The following KIRREL3 variants were observed in gnomAD, a reference collection of about 807,000 sequenced individuals.
The protein encoded by KIRREL3 is kirre like nephrin family adhesion molecule 3, also known as kin of IRRE-like protein 3.
In KIRREL3, 36 loss-of-function variants were observed where a neutral mutation model predicts 89.7. That is an observed-to-expected ratio of 0.40 (90% CI 0.31 to 0.53). The LOEUF (loss-of-function observed/expected upper bound fraction) is 0.53, where lower values mean the gene tolerates loss of function less well. Among genes scored for constraint, KIRREL3 ranks in the 20% least tolerant of loss-of-function variants. The pLI is 0.49. For missense variants in KIRREL3, 864 were observed against 1,056.6 expected (o/e 0.82, Z 2.53); for synonymous variants, 445 against 441.4 (o/e 1.01, Z -0.10).
At chr11:126,902,522 C>G (rs1022980399) in intron 1 of KIRREL3, among the ~76,000 whole-genome samples, 16 of 152,184 alleles carry the variant, frequency 1.1e-4, no homozygotes, top group African/African-American at 3.9e-4. Context: ...AAAGAATGCT[C>G]TCATAAGTAT....
rs1046137520 is a variant in KIRREL3, at chr11:126,677,129, A to G, written c.56-114217T>C. Among the ~76,000 whole-genome samples the G allele has an allele frequency of 3.3e-5, 5 of 152,058 alleles. No homozygotes were observed. Among genetic ancestry groups the G allele is most frequent in the Non-Finnish European group, 5.9e-5 (4 of 68,006 alleles). ...AAAGAATACAATTCAGTGATTTTTAATATATTCGCAGATTTGCACAACCAC... is the reference window on the plus strand; with the variant it reads ...AAAGAATACAATTCAGTGATTTTTAGTATATTCGCAGATTTGCACAACCAC... On this transcript the variant is annotated intron_variant, in intron 1 of 16. Coordinates refer to ENST00000525144, the MANE Select transcript of KIRREL3 (RefSeq NM_032531.4). The surrounding 1 kb of genome is among the most constrained non-coding windows in gnomAD (Gnocchi z 5.1).
chr11:126,446,288 TTC>T (rs964907939), intron 9 of KIRREL3, among the ~76,000 whole-genome samples: 3 of 118,762 alleles, frequency 2.5e-5, no homozygotes, highest in South Asian at 3.2e-4. Context: ...TCTTTCTCCT[TTC>T]TTTCTTTCTT....
In KIRREL3 at chr11:126,912,888, C is replaced by T. The variant is rs763036420; in HGVS notation, c.55+87567G>A. Among the ~76,000 whole-genome samples, 18 of 152,188 alleles carry T rather than the reference C, an allele frequency of 1.2e-4. No homozygotes were observed. The highest frequency in any genetic ancestry group is 2.1e-4 in the Non-Finnish European group (14 of 68,038). On this transcript the variant is annotated intron_variant, in intron 1 of 16. Transcript: ENST00000525144. This position sits in a 1 kb window ranked among gnomAD's most constrained non-coding sequence, Gnocchi z 4.7. The stretch of plus-strand genomic sequence containing the variant: ...ATCATAATTACCAATGACGCTTTAT[C>T]GTGATGACAGAGGAGGGCATGCAGA...
chr11:126,731,094 ACT>A (rs1948600992), intron 1 of KIRREL3, among the ~76,000 whole-genome samples: 2 of 151,658 alleles, frequency 1.3e-5, no homozygotes, highest in Non-Finnish European at 2.9e-5. Flanking sequence ...CCTTCAAGCC[ACT>A]CTCTTTGCTG....
chr11:126,931,670 A>C lies in KIRREL3; in HGVS notation c.55+68785T>G, dbSNP rs562216226. 6.6e-6 allele frequency among the ~76,000 whole-genome samples: 1 copy of C among 152,370 alleles called. No individual in the cohort carries two copies. The highest frequency in any genetic ancestry group is 2.4e-5 in the African/African-American group (1 of 41,584). On this transcript the variant is annotated intron_variant, in intron 1 of 16. Transcript: ENST00000525144. This position sits in a 1 kb window ranked among gnomAD's most constrained non-coding sequence, Gnocchi z 5.1. Reference sequence around the variant, plus strand: ...TGTCTAAATAATTTAAATATGGAATAGTGGCAGATACCCATATTCATTCTT... The same window carrying C: ...TGTCTAAATAATTTAAATATGGAATCGTGGCAGATACCCATATTCATTCTT...
intron 1 of KIRREL3, among the ~76,000 whole-genome samples, chr11:126,592,674 G>A (rs1354525051): frequency 6.6e-6 from 1 of 152,226 alleles, no homozygotes; most frequent in Non-Finnish European, 1.5e-5. Flanking sequence ...GGGGCCAGAG[G>A]GAAGGGAGGA....
chr11:126,552,142 A>G (rs1939315551), intron 2 of KIRREL3, among the ~76,000 whole-genome samples: 1 of 152,122 alleles, frequency 6.6e-6, no homozygotes, highest in Non-Finnish European at 1.5e-5. Flanking sequence ...CTTTACTCTC[A>G]GGTATTATTC....
chr11:126,804,125 T>A (rs963847870), intron 1 of KIRREL3, among the ~76,000 whole-genome samples: 11 of 152,220 alleles, frequency 7.2e-5, no homozygotes, highest in African/African-American at 2.7e-4. Flanking sequence ...AATAAGGGCA[T>A]GTGAGGTACA....
At chr11:126,581,995 C>T (rs1340022550) in intron 1 of KIRREL3, among the ~76,000 whole-genome samples, 1 of 152,168 alleles carries the variant, frequency 6.6e-6, no homozygotes, top group Non-Finnish European at 1.5e-5. Context: ...GATGGGAAAA[C>T]AGAGACTCCT....
At chr11:126,751,794 A>G (rs1028985610) in intron 1 of KIRREL3, among the ~76,000 whole-genome samples, 1 of 152,226 alleles carries the variant, frequency 6.6e-6, no homozygotes, top group Non-Finnish European at 1.5e-5. Flanking sequence ...AAGATAGTCC[A>G]TACCCCAAAA....
At chr11:126,913,144 T>C (rs1194792873) in intron 1 of KIRREL3, among the ~76,000 whole-genome samples, 1 of 152,240 alleles carries the variant, frequency 6.6e-6, no homozygotes, top group East Asian at 1.9e-4. Flanking sequence ...ACATCATCCA[T>C]CTTTCAGTGT....
intron 9 of KIRREL3, among the ~76,000 whole-genome samples, chr11:126,445,464 C>T (rs555847536): frequency 3.6e-4 from 55 of 152,306 alleles, no homozygotes; most frequent in Middle Eastern, 3.4e-3. Context: ...GCGGTGGCTT[C>T]TCCTCTCCCA....
chr11:126,862,907 C>G (rs1481802200), intron 1 of KIRREL3, among the ~76,000 whole-genome samples: 1 of 152,220 alleles, frequency 6.6e-6, no homozygotes, highest in Admixed American at 6.5e-5. Context: ...CTGGCAGTTT[C>G]TCACCGTGGC....
At chr11:126,851,536 C>T (rs931204664) in intron 1 of KIRREL3, among the ~76,000 whole-genome samples, 6 of 152,152 alleles carry the variant, frequency 3.9e-5, no homozygotes, top group East Asian at 1.9e-4. Flanking sequence ...ATCTACTCCC[C>T]GACTCTTACG....
In KIRREL3 at chr11:126,644,288, T is replaced by C. The variant is rs555007662; in HGVS notation, c.56-81376A>G. Among the ~76,000 whole-genome samples, 13 of 152,186 alleles carry C rather than the reference T, an allele frequency of 8.5e-5. No homozygotes were observed. In the East Asian group the frequency reaches 2.5e-3, roughly 29 times the overall value. On this transcript the variant is annotated intron_variant, in intron 1 of 16. Transcript: ENST00000525144. The stretch of plus-strand genomic sequence containing the variant: ...AGGTAAAACATGAGGCTAATAGAGT[T>C]CAGGGACTGGAGCCACCAAGGGAAG...
intron 1 of KIRREL3, among the ~76,000 whole-genome samples, chr11:126,835,195 A>G (rs1943738418): frequency 6.6e-6 from 1 of 152,168 alleles, no homozygotes; most frequent in African/African-American, 2.4e-5. Flanking sequence ...TAGGCTCTAT[A>G]CCTCCCAGGG....
chr11:126,468,958 C>T (rs766294461), intron 5 of KIRREL3, among the ~76,000 whole-genome samples: 3 of 152,190 alleles, frequency 2.0e-5, no homozygotes, highest in Non-Finnish European at 2.9e-5. Flanking sequence ...ATATGGGAAA[C>T]GCGAGGTCCA....
At position 126,965,571 on chromosome 11, in the gene KIRREL3, T is replaced by A. The variant is rs1329156776; in HGVS notation, c.55+34884A>T. ...CGTCATTGCCATTTGAATTCACGGA[T>A]CCAGTGATCCCTGCTTTTGCATTGT... On this transcript the variant is annotated intron_variant, in intron 1 of 16. Transcript: ENST00000525144. This position sits in a 1 kb window ranked among gnomAD's most constrained non-coding sequence, Gnocchi z 4.4. Among the ~76,000 whole-genome samples, 1 of 152,202 alleles carries A rather than the reference T, an allele frequency of 6.6e-6. No homozygotes were observed. The highest frequency in any genetic ancestry group is 1.5e-5 in the Non-Finnish European group (1 of 68,032).
At position 126,489,749 on chromosome 11, in the gene KIRREL3, C is replaced by A. The variant is rs1234049355; in HGVS notation, c.434-16283G>T. Among the ~76,000 whole-genome samples, 1 of 152,176 alleles carries A rather than the reference C, an allele frequency of 6.6e-6. No individual in the cohort carries two copies. Among genetic ancestry groups the A allele is most frequent in the East Asian group, 1.9e-4 (1 of 5,198 alleles). On this transcript the variant is annotated intron_variant, in intron 4 of 16. Coordinates refer to ENST00000525144, the MANE Select transcript of KIRREL3 (RefSeq NM_032531.4). This position sits in a 1 kb window ranked among gnomAD's most constrained non-coding sequence, Gnocchi z 5.5. ...GCCTAGCAGCCCTTGGATCCTTAATCACCTCTGTTCTTTTGCTGGCTCTCT... is the reference window on the plus strand; with the variant it reads ...GCCTAGCAGCCCTTGGATCCTTAATAACCTCTGTTCTTTTGCTGGCTCTCT...
Sources: gnomAD v4.1 joint callset for allele counts (sites outside exome capture counted in the v4.1 genomes callset) on GRCh38, gnomAD v4.1.1 for gene constraint, Gnocchi (gnomAD v3.1) non-coding constraint, MANE v1.5 for transcripts, NCBI Gene and HGNC (gene_info 2026-07-23, HGNC 2026-07-21) for gene names.